Variants in ARFGAP3 observed in about 807,000 individuals in gnomAD.
ARFGAP3 encodes the protein ADP-ribosylation factor GTPase-activating protein 3.
ARFGAP3 carries 72 observed loss-of-function variants against 75.0 expected under a neutral mutation model. The observed-to-expected ratio is 0.96, with a 90% CI of 0.79 to 1.17. ARFGAP3 has a LOEUF of 1.17. Among genes scored for constraint, ARFGAP3 ranks in the 50% most tolerant of loss-of-function variants. The pLI, the probability that ARFGAP3 is intolerant of heterozygous loss-of-function variation, is 0.00. For synonymous variants in ARFGAP3, 221 were observed against 217.9 expected (o/e 1.01, Z -0.13); for missense variants, 620 against 626.6 (o/e 0.99, Z 0.11).
intron 14 of ARFGAP3, among the ~76,000 whole-genome samples, chr22:42,804,264 G>A (rs557553589): frequency 1.3e-5 from 2 of 151,684 alleles, no homozygotes; most frequent in Non-Finnish European, 2.9e-5. Context: ...AGGCTGGAGT[G>A]TAATGGTGCG....
intron 12 of ARFGAP3, 72 bp from the exon 13 acceptor site, chr22:42,808,962 T>A: frequency 7.3e-7 from 1 of 1,362,014 alleles, no homozygotes; most frequent in Non-Finnish European, 9.6e-7. Context: ...ACTCATTTTA[T>A]TTTTTAAAAT....
intron 11 of ARFGAP3, 148 bp downstream of exon 11, chr22:42,816,994 C>A: frequency 1.9e-6 from 1 of 530,858 alleles, no homozygotes; most frequent in South Asian, 3.0e-5. Flanking sequence ...AATTTTTACT[C>A]CAAAGAACAG....
At chr22:42,801,106 G>T (rs866229704) in intron 14 of ARFGAP3, among the ~76,000 whole-genome samples, 11 of 152,206 alleles carry the variant, frequency 7.2e-5, no homozygotes, top group African/African-American at 2.7e-4. Context: ...GGCTGCAGGG[G>T]TCCAGGTGCA....
At chr22:42,804,471 T>C (rs1443661430) in intron 14 of ARFGAP3, among the ~76,000 whole-genome samples, 1 of 134,770 alleles carries the variant, frequency 7.4e-6, no homozygotes, top group Non-Finnish European at 1.5e-5. Flanking sequence ...AACTCCCACC[T>C]CCCAGGTTCA....
Position 42,849,560 on chromosome 22 carries a change from CT to C in ARFGAP3, c.70-1929del, listed in dbSNP as rs58141557. 6.9e-3 allele frequency among the ~76,000 whole-genome samples: 884 copies of C among 127,974 alleles called. 15 individuals are homozygous for C. Among genetic ancestry groups the C allele is most frequent in the African/African-American group, 0.022 (706 of 32,650 alleles). The allele number at this position is 127,974 out of a possible 152,430, so 84.0% of individuals were successfully genotyped here. ...ACGGTCCTAGCTCGCTGCTTTATGG[CT>C]TTTTTTTTTTTTTTTTTAAAGAGAC... is the stretch of plus-strand genomic sequence containing the variant. On this transcript the variant is annotated intron_variant, in intron 1 of 15. Coordinates refer to ENST00000263245, the MANE Select transcript of ARFGAP3 (RefSeq NM_014570.5).
rs149032992 is a variant in ARFGAP3 at position 42,803,765 on chromosome 22, G to A, written c.1411+3308C>T. On this transcript the variant is annotated intron_variant, in intron 14 of 15. Transcript: ENST00000263245. Reference sequence around the variant, plus strand: ...AGTGAAAGAGAGTGCCCGTAAGAACGGCCGCAGGTCTCCTGGGCTAGAAAC... The same window carrying A: ...AGTGAAAGAGAGTGCCCGTAAGAACAGCCGCAGGTCTCCTGGGCTAGAAAC... Among the ~76,000 whole-genome samples the A allele has an allele frequency of 1.9e-3, 290 of 152,278 alleles. 2 individuals are homozygous for A. Among genetic ancestry groups the A allele is most frequent in the African/African-American group, 6.9e-3 (287 of 41,566 alleles).
rs1378270185 is a variant in ARFGAP3 at position 42,834,390 on chromosome 22, C to A, written c.394-65G>T. 4 of 1,573,094 alleles carry A rather than the reference C, an allele frequency of 2.5e-6. No homozygotes were observed. In the Admixed American group the frequency reaches 5.8e-5, roughly 23 times the overall value. The stretch of plus-strand genomic sequence containing the variant: ...GGCCTGTAAAGGATTTTATTTGATA[C>A]CTTTCACTTCCCTTAGAGACCTGTT... On this transcript the variant is annotated intron_variant, in intron 4 of 15. Transcript: ENST00000263245.
Position 42,857,223 on chromosome 22 carries a change from G to C in ARFGAP3, c.-41C>G, listed in dbSNP as rs1020433779. ...GCGGCGCAGCTGGCCCAGCCAACCGGTAAGAGTCGACGAAAAGCGGCTACC... is the reference window on the plus strand; with the variant it reads ...GCGGCGCAGCTGGCCCAGCCAACCGCTAAGAGTCGACGAAAAGCGGCTACC... On this transcript the variant is annotated 5_prime_UTR_variant, in exon 1 of 16. Coordinates refer to ENST00000263245, the MANE Select transcript of ARFGAP3 (RefSeq NM_014570.5). 4.7e-6 allele frequency: 7 copies of C among 1,497,306 alleles called. No homozygotes were observed. In the Admixed American group the frequency reaches 1.3e-4, roughly 28 times the overall value. 92.8% of individuals were successfully genotyped at this position (1,497,306 alleles called of 1,614,324 possible).
chr22:42,797,590 A>T lies in ARFGAP3; in HGVS notation c.1549T>A (p.Ter517LysextTer2), dbSNP rs1307357989. 2 of 1,614,182 alleles carry T rather than the reference A, an allele frequency of 1.2e-6. No homozygotes were observed. Among genetic ancestry groups the T allele is most frequent in the Non-Finnish European group, 1.7e-6 (2 of 1,180,006 alleles). ...AAATACACATCATGACTTCAGTATT[A>T]AGAACCGTAGCGATCCTGAAGAGAG... The part of the protein sequence containing the change: ...VTSIQDRYGS[*>K] The change falls in exon 16 of 16, where the codon TAA becomes AAA. Residue 517 changes from the stop codon to lysine (K), a stop_lost. Coordinates refer to ENST00000263245, the MANE Select transcript of ARFGAP3 (RefSeq NM_014570.5).
intron 2 of ARFGAP3, among the ~76,000 whole-genome samples, chr22:42,846,513 A>G (rs1927026786): frequency 6.6e-6 from 1 of 152,220 alleles, no homozygotes; most frequent in Admixed American, 6.5e-5. Context: ...ATTGCCATAG[A>G]GTATCAGAAG....
At chr22:42,817,625 C>CAA (rs28362469) in intron 10 of ARFGAP3, 104 bp downstream of exon 10, 602 of 884,456 alleles carry the variant, frequency 6.8e-4, no homozygotes, top group Non-Finnish European at 7.8e-4. Flanking sequence ...TAATGAATAA[C>CAA]AAAAAAAAAT....
chr22:42,822,405 C>A lies in ARFGAP3; in HGVS notation c.677G>T (p.Gly226Val), dbSNP rs73886145. The A allele has an allele frequency of 2.8e-4, 455 of 1,613,828 alleles. No individual in the cohort carries two copies. In the African/African-American group the frequency reaches 5.4e-3, roughly 19 times the overall value. Residue 226 changes from glycine to valine, a missense_variant, in exon 9 of 16, where the codon GGG becomes GTG. Physicochemically the swap from Gly to Val is moderately radical, Grantham distance 109 (BLOSUM62 -3). Coordinates refer to ENST00000263245, the MANE Select transcript of ARFGAP3 (RefSeq NM_014570.5). ...KKPNQAKKGLGAKKGSLGAQK... is the reference protein window; with the variant it reads ...KKPNQAKKGLVAKKGSLGAQK... ...AGCTCCCAAACTTCCTTTTTTGGCC[C>A]CAAGCTAGAACATATATAAGACTAT... is the stretch of plus-strand genomic sequence containing the variant.
At chr22:42,839,387 T>C (rs146677353) in intron 3 of ARFGAP3, among the ~76,000 whole-genome samples, 1,679 of 151,920 alleles carry the variant, frequency 0.011, 37 homozygotes, top group African/African-American at 0.04. Flanking sequence ...TCACTTGAGG[T>C]CAGGAGTTTG....
chr22:42,827,865 C>T (rs9611923), intron 6 of ARFGAP3, among the ~76,000 whole-genome samples: 7,403 of 151,566 alleles, frequency 0.049, 291 homozygotes, highest in African/African-American at 0.11. Context: ...GGGCACACTG[C>T]GTGAGCTCAG....
chr22:42,821,305 C>T (rs1205367773), intron 9 of ARFGAP3, among the ~76,000 whole-genome samples: 1 of 152,202 alleles, frequency 6.6e-6, no homozygotes, highest in Non-Finnish European at 1.5e-5. Flanking sequence ...ATTCACAAAG[C>T]TGTGCCATCA....
intron 3 of ARFGAP3, among the ~76,000 whole-genome samples, chr22:42,838,832 C>G (rs927429577): frequency 6.6e-6 from 1 of 151,876 alleles, no homozygotes; most frequent in Non-Finnish European, 1.5e-5. Context: ...TTAATTAGGC[C>G]GGGCGCGGTG....
Position 42,827,151 on chromosome 22 carries a change from A to G in ARFGAP3, c.566-152T>C, listed in dbSNP as rs1602110892. The G allele has an allele frequency of 1.1e-5, 14 of 1,284,430 alleles. No homozygotes were observed. The East Asian group carries it at 3.2e-4, about 29-fold the overall frequency. The allele number at this position is 1,284,430 out of a possible 1,614,324, so 79.6% of individuals were successfully genotyped here. A position where few individuals can be genotyped will look rare whatever the true frequency, so the allele number is the denominator to read the frequency against. On this transcript the variant is annotated intron_variant, in intron 6 of 15. Coordinates refer to ENST00000263245, the MANE Select transcript of ARFGAP3 (RefSeq NM_014570.5). The stretch of plus-strand genomic sequence containing the variant: ...TAGCTGTATATTCTATTTTAACGTT[A>G]TAAGAATTTTGACTTAAAAGTCCAT...
chr22:42,857,232 G>A lies in ARFGAP3; in HGVS notation c.-50C>T, dbSNP rs1278065113. The A allele has an allele frequency of 4.0e-6, 6 of 1,490,074 alleles. No homozygotes were observed. The highest frequency in any genetic ancestry group is 2.2e-5 in the Admixed American group (1 of 44,630). 92.3% of individuals were successfully genotyped at this position (1,490,074 alleles called of 1,614,324 possible). On this transcript the variant is annotated 5_prime_UTR_variant, in exon 1 of 16. Coordinates refer to ENST00000263245, the MANE Select transcript of ARFGAP3 (RefSeq NM_014570.5). ...CTGGCCCAGCCAACCGGTAAGAGTC[G>A]ACGAAAAGCGGCTACCGCCTCAGCA...
At chr22:42,803,178 AT>A (rs1054050149) in intron 14 of ARFGAP3, among the ~76,000 whole-genome samples, 4 of 151,996 alleles carry the variant, frequency 2.6e-5, no homozygotes, top group African/African-American at 4.8e-5. Flanking sequence ...TATTTTTTAA[AT>A]TTTTTGTAGA....
Sources: gnomAD v4.1 joint callset for allele counts (sites outside exome capture counted in the v4.1 genomes callset) on GRCh38, gnomAD v4.1.1 for gene constraint, MANE v1.5 for transcripts, NCBI Gene and HGNC (gene_info 2026-07-23, HGNC 2026-07-21) for gene names.